Variants in THBS3 observed in about 807,000 individuals in gnomAD.
THBS3 encodes the protein thrombospondin-3.
Under a neutral mutation model 118.3 loss-of-function variants are expected in THBS3, and 78 were observed. That is an observed-to-expected ratio of 0.66 (90% CI 0.55 to 0.80). The LOEUF (loss-of-function observed/expected upper bound fraction) is 0.80, where lower values mean the gene tolerates loss of function less well. Ranked by LOEUF, THBS3 falls within the 30% of genes least tolerant of loss-of-function variation. THBS3 has a pLI of 0.00. For missense variants in THBS3, 1,057 were observed against 1,247.4 expected, an observed-to-expected ratio of 0.85 and a Z score of 2.30; for synonymous variants, 427 against 475.3, an observed-to-expected ratio of 0.90 and a Z score of 1.32.
Position 155,197,354 on chromosome 1 carries a change from A to G in THBS3, c.2499+109T>C. ...GCCCCAGAGAGCCGGCCTCCAAGCC[A>G]GATGTCTGGGTAAGAGGGTTCCCAG... On this transcript the variant is annotated intron_variant, in intron 20 of 22. Transcript: ENST00000368378. The surrounding 1 kb of genome is among the most constrained non-coding windows in gnomAD (Gnocchi z 5.0). The G allele has an allele frequency of 6.6e-7, 1 of 1,525,618 alleles. No homozygotes were observed. The allele number at this position is 1,525,618 out of a possible 1,614,324, so 94.5% of individuals were successfully genotyped here. A position where few individuals can be genotyped will look rare whatever the true frequency, so the allele number is the denominator to read the frequency against.
Position 155,196,048 on chromosome 1 carries a change from A to C in THBS3, c.2751T>G (p.Leu917=). The C allele has an allele frequency of 3.1e-6, 5 of 1,614,196 alleles. No individual in the cohort carries two copies. Among genetic ancestry groups the C allele is most frequent in the Non-Finnish European group, 4.2e-6 (5 of 1,180,034 alleles). Residue 917 remains leucine, a synonymous_variant, in exon 22 of 23, where the codon CTT becomes CTG. Transcript: ENST00000368378. The part of the protein sequence containing the change: ...IIDTSMRGGR[L]GVFCFSQENI... Reference sequence around the variant, plus strand: ...TTTCTTGGGAGAAGCAGAATACACCAAGACGCCCCCCTCGCATGGATGTGT... The same window carrying C: ...TTTCTTGGGAGAAGCAGAATACACCCAGACGCCCCCCTCGCATGGATGTGT...
rs1220311512 is a variant in THBS3, at chr1:155,197,126, A to G, written c.2587T>C (p.Trp863Arg). Reference protein sequence around the residue: ...GHTPDQVRLLWTDPRNVGWRD... With the variant: ...GHTPDQVRLLRTDPRNVGWRD... ...CAGCCCACATTTCGTGGGTCTGTCC[A>G]CAGCAGTCGTACCTGATCAGGGGTG... The change falls in exon 21 of 23, where the codon TGG becomes CGG. Residue 863 changes from tryptophan to arginine, a missense_variant. Trp to Arg is a moderately radical substitution (Grantham distance 101). Transcript: ENST00000368378. The surrounding 1 kb of genome is among the most constrained non-coding windows in gnomAD (Gnocchi z 5.0). 2 of 1,614,204 alleles carry G rather than the reference A, an allele frequency of 1.2e-6. No individual in the cohort carries two copies. Among genetic ancestry groups the G allele is most frequent in the Admixed American group, 1.7e-5 (1 of 60,030 alleles).
At chr1:155,205,608 T>C (rs1670431106) in intron 2 of THBS3, 2 of 363,000 alleles carry the variant, frequency 5.5e-6, no homozygotes, top group South Asian at 3.4e-5. Flanking sequence ...CGAAACCCTG[T>C]TTCTACTAAA....
intron 5 of THBS3, 34 bp downstream of exon 5, chr1:155,203,472 CCTCCCCG>C (rs1263439216): frequency 1.2e-6 from 2 of 1,611,612 alleles, no homozygotes; most frequent in Non-Finnish European, 1.7e-6. Flanking sequence ...CCTGGGGCCT[CCTCCCCG>C]CTCCCCGCTT....
chr1:155,203,152 G>T lies in THBS3; in HGVS notation c.757-15C>A. The T allele has an allele frequency of 6.2e-7, 1 of 1,614,218 alleles. No individual in the cohort carries two copies. The highest frequency in any genetic ancestry group is 8.5e-7 in the Non-Finnish European group (1 of 1,180,034). ...ATTTCCTTCACCTGGAGAAGGATGG[G>T]GAGGAGTCAGCACTTGACATCTGCC... On this transcript the variant is annotated splice_polypyrimidine_tract_variant and intron_variant, in intron 6 of 22. Coordinates refer to ENST00000368378, the MANE Select transcript of THBS3 (RefSeq NM_007112.5).
intron 15 of THBS3, 68 bp from the exon 16 acceptor site, chr1:155,199,924 T>C (rs1669414131): frequency 1.2e-6 from 2 of 1,612,364 alleles, no homozygotes; most frequent in South Asian, 1.1e-5. Context: ...CTGACCACTT[T>C]CCATCCAAAG....
chr1:155,201,204 A>G lies in THBS3; in HGVS notation c.1330T>C (p.Cys444Arg). The G allele has an allele frequency of 6.2e-7, 1 of 1,613,976 alleles. No individual in the cohort carries two copies. Among genetic ancestry groups the G allele is most frequent in the Non-Finnish European group, 8.5e-7 (1 of 1,180,000 alleles). The change falls in exon 12 of 23, where the codon TGT becomes CGT. Residue 444 changes from cysteine (C) to arginine (R), a missense_variant and splice_region_variant. Coordinates refer to ENST00000368378, the MANE Select transcript of THBS3 (RefSeq NM_007112.5). Reference protein sequence around the residue: ...FERNGAVSCQCNVGWAGNGNV... With the variant: ...FERNGAVSCQRNVGWAGNGNV... ...CCATTCCCAGCCCAGCCCACGTTAC[A>G]CTAGGGCAACACAAAGGGTAGGAGC...
rs960628426 is a variant in THBS3 at position 155,206,532 on chromosome 1, T to C, written c.80-126A>G. ...GTTAGTCACCTCAAAATTCAACCCT[T>C]GGCTGGGCATGGTGGCTCGCACCTG... On this transcript the variant is annotated intron_variant, in intron 1 of 22. Coordinates refer to ENST00000368378, the MANE Select transcript of THBS3 (RefSeq NM_007112.5). This position sits in a 1 kb window ranked among gnomAD's most constrained non-coding sequence, Gnocchi z 4.2. 1 of 790,780 alleles carries C rather than the reference T, an allele frequency of 1.3e-6. No individual in the cohort carries two copies. Among genetic ancestry groups the C allele is most frequent in the Admixed American group, 2.2e-5 (1 of 45,992 alleles). 49.0% of individuals were successfully genotyped at this position (790,780 alleles called of 1,614,324 possible).
chr1:155,199,660 C>T, intron 16 of THBS3, 144 bp downstream of exon 16: 2 of 761,250 alleles, frequency 2.6e-6, no homozygotes, highest in Non-Finnish European at 4.3e-6. Flanking sequence ...GAGGTTGAGG[C>T]ATGAGAATCA....
chr1:155,200,583 C>T lies in THBS3; in HGVS notation c.1576G>A (p.Asp526Asn). 6.2e-7 allele frequency: 1 copy of T among 1,613,670 alleles called. No homozygotes were observed. Among genetic ancestry groups the T allele is most frequent in the Non-Finnish European group, 8.5e-7 (1 of 1,179,732 alleles). ...GAATCTGTATCTGAGTTCTGCTGGT[C>T]TTTGTTGGGGAACAGCCGGCAGTTG... ...EDNCRLFPNK[D>N]QQNSDTDSFG... The change falls in exon 14 of 23, where the codon GAC becomes AAC. Residue 526 changes from aspartate to asparagine, a missense_variant. Physicochemically the swap from Asp to Asn is conservative, Grantham distance 23. Transcript: ENST00000368378.
chr1:155,206,974 G>T lies in THBS3; in HGVS notation c.80-568C>A, dbSNP rs1358928498. 5.9e-5 allele frequency among the ~76,000 whole-genome samples: 9 copies of T among 152,122 alleles called. No individual in the cohort carries two copies. The highest frequency in any genetic ancestry group is 1.3e-4 in the Non-Finnish European group (9 of 68,006). ...AACCTGCAGGTTTGAGACTCACTTG[G>T]AAACACAGAAACAGCACCCCACAAA... On this transcript the variant is annotated intron_variant, in intron 1 of 22. Transcript: ENST00000368378. This position sits in a 1 kb window ranked among gnomAD's most constrained non-coding sequence, Gnocchi z 4.2.
In THBS3 at chr1:155,197,377, C is replaced by CA. The variant is rs1668849616; in HGVS notation, c.2499+85dup. ...CCAGATGTCTGGGTAAGAGGGTTCC[C>CA]AGTCAAGCAGTGGGGGAGGCCCTGG... On this transcript the variant is annotated intron_variant, in intron 20 of 22. Transcript: ENST00000368378. This position sits in a 1 kb window ranked among gnomAD's most constrained non-coding sequence, Gnocchi z 5.0. 1 of 1,548,342 alleles carries CA rather than the reference C, an allele frequency of 6.5e-7. No homozygotes were observed. The highest frequency in any genetic ancestry group is 1.7e-5 in the Admixed American group (1 of 57,194).
chr1:155,201,863 G>T, intron 10 of THBS3, 94 bp downstream of exon 10: 1 of 1,567,010 alleles, frequency 6.4e-7, no homozygotes. Context: ...TGGGGAGGAG[G>T]AAAGGCAGCA....
chr1:155,200,984 G>A lies in THBS3; in HGVS notation c.1461C>T (p.Pro487=). ...TATCAGCATCTTCCTGCCCAGAGTT[G>A]GGTGTCAAAAGGCAGTTGTCCTAAA... is the stretch of plus-strand genomic sequence containing the variant. ...HCKQDNCLLT[P]NSGQEDADND... Residue 487 remains proline, a synonymous_variant, in exon 13 of 23, where the codon CCC becomes CCT. Transcript: ENST00000368378. The A allele has an allele frequency of 1.9e-6, 3 of 1,614,158 alleles. No individual in the cohort carries two copies. The highest frequency in any genetic ancestry group is 2.5e-6 in the Non-Finnish European group (3 of 1,180,036).
intron 14 of THBS3, 24 bp downstream of exon 14, chr1:155,200,427 A>ACCCCTTCAGCCC (rs1478913506): frequency 6.2e-7 from 1 of 1,604,530 alleles, no homozygotes. Flanking sequence ...TCCCCCAGCC[A>ACCCCTTCAGCCC]CCCCTTCAGC....
rs909949414 is a variant in THBS3 at position 155,206,702 on chromosome 1, C to T, written c.80-296G>A. On this transcript the variant is annotated intron_variant, in intron 1 of 22. Coordinates refer to ENST00000368378, the MANE Select transcript of THBS3 (RefSeq NM_007112.5). The surrounding 1 kb of genome is among the most constrained non-coding windows in gnomAD (Gnocchi z 4.2). ...AAGAAAAAAAAACCACCTAGCCGGG[C>T]GTGGTGGCGGGCACCTGTAATCCCA... Among the ~76,000 whole-genome samples the T allele has an allele frequency of 1.3e-5, 2 of 152,044 alleles. No individual in the cohort carries two copies. Among genetic ancestry groups the T allele is most frequent in the African/African-American group, 2.4e-5 (1 of 41,390 alleles).
chr1:155,207,999 G>A (rs1441093314), upstream of THBS3: 8 of 482,332 alleles, frequency 1.7e-5, no homozygotes, highest in South Asian at 1.3e-4. Context: ...AGGCGGGTGA[G>A]GGGGGGCTGA....
chr1:155,199,409 CAAA>C (rs11355526), intron 16 of THBS3, among the ~76,000 whole-genome samples: 18 of 121,706 alleles, frequency 1.5e-4, no homozygotes, highest in Admixed American at 1.7e-4. Flanking sequence ...GACTCCGTCT[CAAA>C]AAAAAAAAAA....
rs779032570 is a variant in THBS3 at position 155,200,940 on chromosome 1, T to C, written c.1505A>G (p.Gln502Arg). ...ATCCCCATCAGCATCATCATCACAC[T>C]GGTCCCCCACACCATCATTATCAGC... ...EDADNDGVGD[Q>R]CDDDADGDGI... Residue 502 changes from glutamine to arginine, a missense_variant, in exon 13 of 23, where the codon CAG becomes CGG. Gln to Arg is a conservative substitution (Grantham distance 43). Around this residue, in one of 3 missense-constraint regions of THBS3, gnomAD observed 544 missense variants for 715.6 expected, o/e 0.76. Coordinates refer to ENST00000368378, the MANE Select transcript of THBS3 (RefSeq NM_007112.5). The C allele has an allele frequency of 1.2e-6, 2 of 1,614,106 alleles. No individual in the cohort carries two copies. The highest frequency in any genetic ancestry group is 1.1e-5 in the South Asian group (1 of 91,084).
Sources: gnomAD v4.1 joint callset for allele counts (sites outside exome capture counted in the v4.1 genomes callset) on GRCh38, gnomAD v4.1.1 for gene constraint, gnomAD v4.1.1 regional missense constraint, Gnocchi (gnomAD v3.1) non-coding constraint, MANE v1.5 for transcripts, NCBI Gene and HGNC (gene_info 2026-07-23, HGNC 2026-07-21) for gene names.